The following MACC1 variants were observed in gnomAD, a reference collection of about 807,000 sequenced individuals.
MACC1 encodes metastasis-associated in colon cancer protein 1.
A neutral mutation model predicts 70.7 loss-of-function variants in MACC1; 79 were observed. The observed-to-expected ratio is 1.12, with a 90% CI of 0.93 to 1.35. MACC1 has a LOEUF of 1.35. Among genes scored for constraint, MACC1 ranks in the 40% most tolerant of loss-of-function variants. The pLI, the probability that MACC1 is intolerant of heterozygous loss-of-function variation, is 0.00. For missense variants in MACC1, 1,106 were observed against 978.1 expected, an observed-to-expected ratio of 1.13 and a Z score of -1.74; for synonymous variants, 361 against 347.2, an observed-to-expected ratio of 1.04 and a Z score of -0.44.
In MACC1 at chr7:20,187,711, T is replaced by C. The variant is rs527430401; in HGVS notation, c.-217-16933A>G. On this transcript the variant is annotated intron_variant, in intron 1 of 6. Transcript: ENST00000400331. Reference sequence around the variant, plus strand: ...GATCAGACTTGCTTTCAATTTGGGGTTGTTAACCCCAGCTGGGCTCTTCAT... The same window carrying C: ...GATCAGACTTGCTTTCAATTTGGGGCTGTTAACCCCAGCTGGGCTCTTCAT... Among the ~76,000 whole-genome samples, 21 of 152,260 alleles carry C rather than the reference T, an allele frequency of 1.4e-4. No individual in the cohort carries two copies. In the South Asian group the frequency reaches 2.1e-3, roughly 15 times the overall value.
chr7:20,201,932 A>C (rs1182766793), intron 1 of MACC1, among the ~76,000 whole-genome samples: 1 of 152,196 alleles, frequency 6.6e-6, no homozygotes, highest in Non-Finnish European at 1.5e-5. Context: ...CTTACTGGTA[A>C]TTATTCTTCG....
intron 1 of MACC1, among the ~76,000 whole-genome samples, chr7:20,210,139 T>C (rs1403970635): frequency 1.3e-5 from 2 of 151,494 alleles, no homozygotes; most frequent in East Asian, 3.8e-4. Context: ...CTTAAAGGTA[T>C]GCATCCTTGG....
intron 1 of MACC1, among the ~76,000 whole-genome samples, chr7:20,209,103 GGGAT>G (rs1782956711): frequency 6.6e-6 from 1 of 152,214 alleles, no homozygotes; most frequent in Admixed American, 6.5e-5. Flanking sequence ...GTTTGCTACA[GGGAT>G]GGGGCCCTCA....
At chr7:20,187,624 C>T (rs968450261) in intron 1 of MACC1, among the ~76,000 whole-genome samples, 3 of 152,200 alleles carry the variant, frequency 2.0e-5, no homozygotes, top group African/African-American at 7.2e-5. Flanking sequence ...AAATTGAACA[C>T]TCTGCCCAAT....
At chr7:20,151,277 T>A (rs544143537) in intron 6 of MACC1, among the ~76,000 whole-genome samples, 47 of 152,284 alleles carry the variant, frequency 3.1e-4, no homozygotes, top group Middle Eastern at 6.8e-3. Flanking sequence ...CCCCAGCATG[T>A]CCCCTTGTAA....
At chr7:20,161,948 T>G (rs1782144933) in intron 3 of MACC1, 78 bp from the exon 4 acceptor site, 1 of 829,306 alleles carries the variant, frequency 1.2e-6, no homozygotes, top group Middle Eastern at 2.7e-4. Context: ...AAAGACATCA[T>G]ACGTATTTCT....
Position 20,203,731 on chromosome 7 carries a change from T to C in MACC1, c.-218+13568A>G, listed in dbSNP as rs887155296. ...GGAAGTCAGCGAGGAGCTCAAGATTTGTGAAAATATTGCCAATTGGGATTT... is the reference window on the plus strand; with the variant it reads ...GGAAGTCAGCGAGGAGCTCAAGATTCGTGAAAATATTGCCAATTGGGATTT... On this transcript the variant is annotated intron_variant, in intron 1 of 6. Coordinates refer to ENST00000400331, the MANE Select transcript of MACC1 (RefSeq NM_182762.4). 6.8e-4 allele frequency among the ~76,000 whole-genome samples: 103 copies of C among 152,328 alleles called. 1 individual carries two copies. Among genetic ancestry groups the C allele is most frequent in the African/African-American group, 2.4e-3 (98 of 41,568 alleles).
At chr7:20,182,490 C>A (rs1782525207) in intron 1 of MACC1, among the ~76,000 whole-genome samples, 2 of 152,154 alleles carry the variant, frequency 1.3e-5, no homozygotes, top group Admixed American at 1.3e-4. Context: ...AGTGTAAGAA[C>A]ATGTCAACCT....
intron 1 of MACC1, among the ~76,000 whole-genome samples, chr7:20,215,421 G>A (rs1168810273): frequency 2.0e-5 from 3 of 152,052 alleles, no homozygotes; most frequent in Admixed American, 6.5e-5. Context: ...CACCATAGAC[G>A]GCACTTGACA....
chr7:20,202,084 A>C (rs1782841653), intron 1 of MACC1, among the ~76,000 whole-genome samples: 1 of 152,246 alleles, frequency 6.6e-6, no homozygotes, highest in Non-Finnish European at 1.5e-5. Context: ...TTCAAATGCC[A>C]GCAGAAAATG....
At position 20,217,229 on chromosome 7, in the gene MACC1, A is replaced by C. The variant is rs1783084425; in HGVS notation, c.-218+70T>G. 4 of 152,356 alleles carry C rather than the reference A, an allele frequency of 2.6e-5. No individual in the cohort carries two copies. The South Asian group carries it at 8.3e-4, about 32-fold the overall frequency. 9.4% of individuals were successfully genotyped at this position (152,356 alleles called of 1,614,324 possible). ...GGTTTGTTACATTTTTCTGGAAATT[A>C]TACAACTTCCTAGTGTGTAGCACAT... On this transcript the variant is annotated intron_variant, in intron 1 of 6. Coordinates refer to ENST00000400331, the MANE Select transcript of MACC1 (RefSeq NM_182762.4).
At position 20,141,154 on chromosome 7, in the gene MACC1, A is replaced by C; in HGVS notation, c.2351T>G (p.Met784Arg). 1.9e-6 allele frequency: 3 copies of C among 1,586,764 alleles called. No homozygotes were observed. The highest frequency in any genetic ancestry group is 2.7e-5 in the African/African-American group (2 of 73,856). ...CAGAAAATCATAGGCAGGTTTCCAC[A>C]TCATCTATAAAGAAAAAAAATAGAT... Reference protein sequence around the residue: ...GNTGDVAVEMMWKPAYDFLYT... With the variant: ...GNTGDVAVEMRWKPAYDFLYT... The change falls in exon 7 of 7, where the codon ATG becomes AGG. Residue 784 changes from methionine to arginine, a missense_variant. Transcript: ENST00000400331.
chr7:20,181,864 A>G (rs1428863920), intron 1 of MACC1, among the ~76,000 whole-genome samples: 2 of 152,138 alleles, frequency 1.3e-5, no homozygotes, highest in African/African-American at 4.8e-5. Flanking sequence ...GTATGATGAT[A>G]CTCCTAACCA....
intron 1 of MACC1, among the ~76,000 whole-genome samples, chr7:20,197,644 A>G (rs1044434312): frequency 6.6e-6 from 1 of 152,128 alleles, no homozygotes; most frequent in Non-Finnish European, 1.5e-5. Context: ...TTTTGCAAAC[A>G]CCTCCAGACA....
chr7:20,184,764 C>G (rs1283996090), intron 1 of MACC1, among the ~76,000 whole-genome samples: 1 of 152,128 alleles, frequency 6.6e-6, no homozygotes, highest in Non-Finnish European at 1.5e-5. Context: ...TGTGTAGGAG[C>G]ACCATTTTCC....
intron 1 of MACC1, among the ~76,000 whole-genome samples, chr7:20,205,954 A>G (rs990641623): frequency 6.6e-6 from 1 of 151,994 alleles, no homozygotes; most frequent in Admixed American, 6.6e-5. Context: ...CCTTATCTCT[A>G]TCAACAAAAA....
At chr7:20,181,711 A>G (rs146127998) in intron 1 of MACC1, among the ~76,000 whole-genome samples, 275 of 152,290 alleles carry the variant, frequency 1.8e-3, no homozygotes, top group Non-Finnish European at 3.3e-3. Context: ...TGCATTTTAA[A>G]AGGTACAATG....
In MACC1 at chr7:20,138,261, A is replaced by T. The variant is rs1350311891; in HGVS notation, c.*2685T>A. On this transcript the variant is annotated 3_prime_UTR_variant, in exon 7 of 7. Transcript: ENST00000400331. ...TATTAGAACCATTGTTTCATCCTCAAATTACAGAGATCTTGTTTTTCATTT... is the reference window on the plus strand; with the variant it reads ...TATTAGAACCATTGTTTCATCCTCATATTACAGAGATCTTGTTTTTCATTT... 6.6e-6 allele frequency: 1 copy of T among 151,990 alleles called. No homozygotes were observed. The highest frequency in any genetic ancestry group is 1.5e-5 in the Non-Finnish European group (1 of 67,994). 9.4% of individuals were successfully genotyped at this position (151,990 alleles called of 1,614,324 possible). A position where few individuals can be genotyped will look rare whatever the true frequency, so the allele number is the denominator to read the frequency against.
At chr7:20,148,273 AG>A (rs1217771696) in intron 6 of MACC1, among the ~76,000 whole-genome samples, 3 of 152,224 alleles carry the variant, frequency 2.0e-5, no homozygotes, top group Admixed American at 6.5e-5. Flanking sequence ...TGCTAATTAT[AG>A]TTGAGTTTAA....
Sources: gnomAD v4.1 joint callset for allele counts (sites outside exome capture counted in the v4.1 genomes callset) on GRCh38, gnomAD v4.1.1 for gene constraint, MANE v1.5 for transcripts, NCBI Gene and HGNC (gene_info 2026-07-23, HGNC 2026-07-21) for gene names.